The following NFATC1 variants were observed in gnomAD, a reference collection of about 807,000 sequenced individuals.
NFATC1 encodes the protein nuclear factor of activated T-cells, cytoplasmic 1.
In NFATC1, 22 loss-of-function variants were observed where a neutral mutation model predicts 76.0. That is an observed-to-expected ratio of 0.29 (90% CI 0.21 to 0.41). The LOEUF is 0.41. NFATC1 is among the 10% of genes least tolerant of loss of function. The pLI, the probability that NFATC1 is intolerant of heterozygous loss-of-function variation, is 1.00. For missense variants in NFATC1, 1,357 were observed against 1,337.7 expected (o/e 1.01, Z -0.23); for synonymous variants, 704 against 613.1 (o/e 1.15, Z -2.19).
At chr18:79,462,358 C>T (rs1053866858) in intron 7 of NFATC1, among the ~76,000 whole-genome samples, 2 of 152,106 alleles carry the variant, frequency 1.3e-5, no homozygotes, top group African/African-American at 4.8e-5. Flanking sequence ...TTTTTTGAAA[C>T]AGAGTTTCGT....
intron 1 of NFATC1, among the ~76,000 whole-genome samples, chr18:79,400,036 T>TG (rs1254578935): frequency 6.7e-6 from 1 of 149,642 alleles, no homozygotes; most frequent in African/African-American, 2.5e-5. Context: ...GTGCCGCTCG[T>TG]GGGGTCCCGA....
intron 9 of NFATC1, among the ~76,000 whole-genome samples, chr18:79,515,525 A>G (rs2090359891): frequency 6.6e-6 from 1 of 151,846 alleles, no homozygotes; most frequent in African/African-American, 2.4e-5. Flanking sequence ...GCCGGGGACC[A>G]GGGGCGTATT....
At chr18:79,467,679 T>A in intron 8 of NFATC1, 97 bp downstream of exon 8, 1 of 1,557,948 alleles carries the variant, frequency 6.4e-7, no homozygotes, top group Non-Finnish European at 8.7e-7. Context: ...CAGCGTGGCG[T>A]GTTGCACATT....
intron 3 of NFATC1, among the ~76,000 whole-genome samples, chr18:79,436,695 A>G (rs2086790425): frequency 6.6e-6 from 1 of 152,160 alleles, no homozygotes; most frequent in African/African-American, 2.4e-5. Flanking sequence ...TCCTCTGGAT[A>G]GGTGCTCGCT....
intron 8 of NFATC1, among the ~76,000 whole-genome samples, chr18:79,475,662 A>T (rs2089037731): frequency 6.6e-6 from 1 of 152,218 alleles, no homozygotes; most frequent in Non-Finnish European, 1.5e-5. Flanking sequence ...TGTAAACCTG[A>T]GGGAAAGGAA....
chr18:79,464,675 T>C (rs1338087476), intron 7 of NFATC1, among the ~76,000 whole-genome samples: 26 of 111,078 alleles, frequency 2.3e-4, no homozygotes, highest in African/African-American at 1.1e-3. Flanking sequence ...TGTGTGTATA[T>C]GTATGTGTAT....
chr18:79,464,268 T>C (rs2088312197), intron 7 of NFATC1, among the ~76,000 whole-genome samples: 2 of 151,996 alleles, frequency 1.3e-5, no homozygotes, highest in South Asian at 2.1e-4. Flanking sequence ...GTTTTTGTAT[T>C]TTTTTTAGTA....
intron 1 of NFATC1, among the ~76,000 whole-genome samples, chr18:79,398,271 C>T (rs538831099): frequency 1.3e-5 from 2 of 152,366 alleles, no homozygotes; most frequent in East Asian, 1.9e-4. Context: ...GCCCCACGGG[C>T]TGGGGCCAAA....
At position 79,405,858 on chromosome 18, in the gene NFATC1, G is replaced by A. The variant is rs576276307; in HGVS notation, c.128-4545G>A. On this transcript the variant is annotated intron_variant, in intron 1 of 9. Transcript: ENST00000427363. ...ATAAAGGCCCTCGGGTGCCCCAGGC[G>A]TCCGTGGGCCTCTGCATGCACTTCC... 7.2e-5 allele frequency among the ~76,000 whole-genome samples: 11 copies of A among 152,272 alleles called. No individual in the cohort carries two copies. The South Asian group carries it at 8.3e-4, about 11-fold the overall frequency.
intron 1 of NFATC1, among the ~76,000 whole-genome samples, chr18:79,407,635 G>C (rs1343283802): frequency 2.0e-5 from 3 of 152,154 alleles, no homozygotes. Context: ...TGTAGAGATA[G>C]GGTTTCATCA....
At chr18:79,408,281 C>G (rs1339756228) in intron 1 of NFATC1, among the ~76,000 whole-genome samples, 11 of 152,096 alleles carry the variant, frequency 7.2e-5, no homozygotes, top group Non-Finnish European at 1.5e-4. Context: ...GCAGTTGCAC[C>G]AGGAGATGAA....
At chr18:79,516,789 A>C (rs2090396649) in intron 9 of NFATC1, among the ~76,000 whole-genome samples, 1 of 152,252 alleles carries the variant, frequency 6.6e-6, no homozygotes, top group South Asian at 2.1e-4. Flanking sequence ...ATATACGTAC[A>C]GTGGAACAAA....
chr18:79,473,340 C>G (rs927144677), intron 8 of NFATC1, among the ~76,000 whole-genome samples: 7 of 152,410 alleles, frequency 4.6e-5, no homozygotes, highest in South Asian at 2.1e-4. Context: ...TTGCCTCGCT[C>G]TTCAGACGGC....
At chr18:79,492,505 C>T (rs542530617) in intron 9 of NFATC1, among the ~76,000 whole-genome samples, 8 of 151,768 alleles carry the variant, frequency 5.3e-5, no homozygotes, top group South Asian at 2.1e-4. Flanking sequence ...GCCAGAAGAT[C>T]GAAACCATCC....
chr18:79,410,263 G>A lies in NFATC1; in HGVS notation c.128-140G>A. 2.2e-6 allele frequency: 3 copies of A among 1,375,808 alleles called. No homozygotes were observed. Among genetic ancestry groups the A allele is most frequent in the Non-Finnish European group, 2.0e-6 (2 of 1,013,238 alleles). The allele number at this position is 1,375,808 out of a possible 1,614,324, so 85.2% of individuals were successfully genotyped here. ...TCGCCCGGAGCTGTCCGGCAGCGTGGTCTCAGGGACGTTTGCTGAGGCCCG... is the reference window on the plus strand; with the variant it reads ...TCGCCCGGAGCTGTCCGGCAGCGTGATCTCAGGGACGTTTGCTGAGGCCCG... On this transcript the variant is annotated intron_variant, in intron 1 of 9. Transcript: ENST00000427363. This position sits in a 1 kb window ranked among gnomAD's most constrained non-coding sequence, Gnocchi z 6.7.
At chr18:79,476,034 G>A (rs1223727368) in intron 8 of NFATC1, among the ~76,000 whole-genome samples, 1 of 152,204 alleles carries the variant, frequency 6.6e-6, no homozygotes, top group Non-Finnish European at 1.5e-5. Flanking sequence ...GGGGCCGGGA[G>A]CCTGAGATGG....
rs185475387 is a variant in NFATC1 at position 79,442,559 on chromosome 18, C to T, written c.1387-6223C>T. Among the ~76,000 whole-genome samples, 18 of 152,344 alleles carry T rather than the reference C, an allele frequency of 1.2e-4. 1 individual carries two copies. In the East Asian group the frequency reaches 3.3e-3, roughly 28 times the overall value. On this transcript the variant is annotated intron_variant, in intron 3 of 9. Coordinates refer to ENST00000427363, the MANE Select transcript of NFATC1 (RefSeq NM_001278669.2). ...GAAGAAAGCCCAGACACCTTGGAGC[C>T]GGGGTCCGGGAAACAGGCCCTGGCA...
chr18:79,513,044 A>T (rs955875132), intron 9 of NFATC1, among the ~76,000 whole-genome samples: 1 of 152,226 alleles, frequency 6.6e-6, no homozygotes, highest in Non-Finnish European at 1.5e-5. Context: ...TGTATCTGCC[A>T]TGTTTTTAAA....
At chr18:79,500,111 A>C (rs2089982784) in intron 9 of NFATC1, among the ~76,000 whole-genome samples, 1 of 152,186 alleles carries the variant, frequency 6.6e-6, no homozygotes, top group Non-Finnish European at 1.5e-5. Flanking sequence ...ACTATCAACC[A>C]ACTTTACAAG....
Sources: gnomAD v4.1 joint callset for allele counts (sites outside exome capture counted in the v4.1 genomes callset) on GRCh38, gnomAD v4.1.1 for gene constraint, Gnocchi (gnomAD v3.1) non-coding constraint, MANE v1.5 for transcripts, NCBI Gene and HGNC (gene_info 2026-07-23, HGNC 2026-07-21) for gene names.